Variants in PCDHGB2 observed in about 807,000 individuals in gnomAD.
PCDHGB2 encodes the protein protocadherin gamma-B2.
PCDHGB2 carries 55 observed loss-of-function variants against 59.3 expected under a neutral mutation model. The ratio of observed to expected loss-of-function variants is 0.93; its 90% CI spans 0.75 to 1.16. The LOEUF is 1.16. PCDHGB2 is among the 50% of genes most tolerant of loss of function. PCDHGB2 has a pLI of 0.00. For missense variants in PCDHGB2, 1,228 were observed against 1,198.5 expected, an observed-to-expected ratio of 1.02 and a Z score of -0.36; for synonymous variants, 516 against 512.0, an observed-to-expected ratio of 1.01 and a Z score of -0.11.
In PCDHGB2 at chr5:141,489,432, G is replaced by A. The variant is rs2099687138; in HGVS notation, c.2422-5375G>A. ...TGACAGATCTGTTGAGCCGGCGGCTGCAATTGGGCTCTGAGGAGAATGGGC... is the reference window on the plus strand; with the variant it reads ...TGACAGATCTGTTGAGCCGGCGGCTACAATTGGGCTCTGAGGAGAATGGGC... On this transcript the variant is annotated intron_variant, in intron 1 of 3. Transcript: ENST00000522605. The surrounding 1 kb of genome is among the most constrained non-coding windows in gnomAD (Gnocchi z 4.5). 3.1e-6 allele frequency: 5 copies of A among 1,614,166 alleles called. No individual in the cohort carries two copies. Among genetic ancestry groups the A allele is most frequent in the Non-Finnish European group, 4.2e-6 (5 of 1,180,036 alleles).
chr5:141,365,055 T>G (rs181194736), intron 1 of PCDHGB2: 1 of 1,613,822 alleles, frequency 6.2e-7, no homozygotes, highest in Non-Finnish European at 8.5e-7. Context: ...GCGCCCCTGT[T>G]CACCCCATCC....
chr5:141,422,028 A>C, intron 1 of PCDHGB2: 1 of 1,611,196 alleles, frequency 6.2e-7, no homozygotes, highest in Non-Finnish European at 8.5e-7. Flanking sequence ...TGGTTAATGC[A>C]ACGGATCCAG....
intron 1 of PCDHGB2, among the ~76,000 whole-genome samples, chr5:141,425,915 C>G (rs537499239): frequency 1.3e-5 from 2 of 152,336 alleles, no homozygotes; most frequent in East Asian, 3.9e-4. Context: ...AAAACAGTCA[C>G]TACGAAAACT....
chr5:141,430,938 C>A, intron 1 of PCDHGB2: 1 of 1,607,082 alleles, frequency 6.2e-7, no homozygotes, highest in Non-Finnish European at 8.5e-7. Context: ...CGGGAGCTCG[C>A]GGAGCGCGGA....
At position 141,431,783 on chromosome 5, in the gene PCDHGB2, G is replaced by T; in HGVS notation, c.2422-63024G>T. 2 of 1,614,174 alleles carry T rather than the reference G, an allele frequency of 1.2e-6. No homozygotes were observed. Among genetic ancestry groups the T allele is most frequent in the East Asian group, 2.2e-5 (1 of 44,878 alleles). On this transcript the variant is annotated intron_variant, in intron 1 of 3. Transcript: ENST00000522605. The surrounding 1 kb of genome is among the most constrained non-coding windows in gnomAD (Gnocchi z 4.8). Reference sequence around the variant, plus strand: ...CCTGATCACTGTTCTGGACGTGAACGACAATGCCCCAGAAGTGGTCCTCAC... The same window carrying T: ...CCTGATCACTGTTCTGGACGTGAACTACAATGCCCCAGAAGTGGTCCTCAC...
chr5:141,399,241 T>C, intron 1 of PCDHGB2: 3 of 1,613,950 alleles, frequency 1.9e-6, no homozygotes, highest in South Asian at 1.1e-5. Flanking sequence ...TGACCAAGAT[T>C]CTGGGGAAAA....
chr5:141,421,464 T>A lies in PCDHGB2; in HGVS notation c.2421+58908T>A, dbSNP rs773727821. ...GGAAGACACAGCTTTTCGCTGTGAA[T>A]CCGCGAAGCGGCAGCTTGATCACGG... On this transcript the variant is annotated intron_variant, in intron 1 of 3. Transcript: ENST00000522605. 17 of 1,613,972 alleles carry A rather than the reference T, an allele frequency of 1.1e-5. No individual in the cohort carries two copies. In the East Asian group the frequency reaches 3.6e-4, roughly 34 times the overall value.
Position 141,489,898 on chromosome 5 carries a change from C to T in PCDHGB2, c.2422-4909C>T. On this transcript the variant is annotated intron_variant, in intron 1 of 3. Transcript: ENST00000522605. The surrounding 1 kb of genome is among the most constrained non-coding windows in gnomAD (Gnocchi z 4.5). ...GCTTACTGCTGTGGATGGGGGGACC[C>T]CAGCCCGCTCAGGGACCACCCTTAT... 6.2e-7 allele frequency: 1 copy of T among 1,614,216 alleles called. No homozygotes were observed. Among genetic ancestry groups the T allele is most frequent in the Non-Finnish European group, 8.5e-7 (1 of 1,180,036 alleles).
At chr5:141,475,819 G>A (rs1232669115) in intron 1 of PCDHGB2, 4 of 350,114 alleles carry the variant, frequency 1.1e-5, no homozygotes, top group Non-Finnish European at 1.6e-5. Context: ...GAAGTTCCTG[G>A]CGCTAGCGCG....
chr5:141,388,628 G>T (rs752578230), intron 1 of PCDHGB2: 1 of 1,613,898 alleles, frequency 6.2e-7, no homozygotes, highest in East Asian at 2.2e-5. Flanking sequence ...ACGTATACAG[G>T]GTGAGCCTTT....
At chr5:141,417,179 A>C (rs1015183950) in intron 1 of PCDHGB2, 1 of 152,194 alleles carries the variant, frequency 6.6e-6, no homozygotes, top group African/African-American at 2.4e-5. Context: ...GAAATAAGGA[A>C]TTATTACTTT....
intron 1 of PCDHGB2, chr5:141,398,744 G>C (rs1561665852): frequency 1.2e-6 from 2 of 1,613,854 alleles, no homozygotes; most frequent in East Asian, 4.5e-5. Flanking sequence ...GAACAACAGA[G>C]TTACCATCGT....
chr5:141,477,438 C>T lies in PCDHGB2; in HGVS notation c.2422-17369C>T, dbSNP rs1386997844. On this transcript the variant is annotated intron_variant, in intron 1 of 3. Transcript: ENST00000522605. This position sits in a 1 kb window ranked among gnomAD's most constrained non-coding sequence, Gnocchi z 4.9. ...GGAACCCCTTCCCTCTCAGCCCTTA[C>T]AATAGTGCGTGTTCAAGTGTCCGAC... 6.2e-7 allele frequency: 1 copy of T among 1,614,174 alleles called. No homozygotes were observed. The highest frequency in any genetic ancestry group is 8.5e-7 in the Non-Finnish European group (1 of 1,180,030).
intron 1 of PCDHGB2, among the ~76,000 whole-genome samples, chr5:141,443,609 T>C (rs2098396115): frequency 1.3e-5 from 2 of 152,260 alleles, no homozygotes; most frequent in African/African-American, 4.8e-5. Flanking sequence ...GAAATGTTCT[T>C]ATAATCAGGT....
At chr5:141,484,404 G>C (rs1333849091) in intron 1 of PCDHGB2, among the ~76,000 whole-genome samples, 3 of 152,174 alleles carry the variant, frequency 2.0e-5, no homozygotes, top group Non-Finnish European at 4.4e-5. Flanking sequence ...GGTTTCCGCT[G>C]TGTCTCCTGT....
At chr5:141,394,455 C>T in intron 1 of PCDHGB2, 1 of 1,614,268 alleles carries the variant, frequency 6.2e-7, no homozygotes, top group Non-Finnish European at 8.5e-7. Flanking sequence ...CAACATGTCA[C>T]TGAGCCTGTT....
At chr5:141,419,686 G>A (rs551990092) in intron 1 of PCDHGB2, 2 of 1,612,760 alleles carry the variant, frequency 1.2e-6, no homozygotes, top group Non-Finnish European at 1.7e-6. Flanking sequence ...ACCACGTGGT[G>A]CAGGCCAGTG....
rs768648952 is a variant in PCDHGB2 at position 141,477,230 on chromosome 5, G to C, written c.2422-17577G>C. 6.2e-7 allele frequency: 1 copy of C among 1,614,046 alleles called. No homozygotes were observed. Among genetic ancestry groups the C allele is most frequent in the East Asian group, 2.2e-5 (1 of 44,890 alleles). ...GGATGCCCCTCTGGGGACTGTCATC[G>C]CTTTGCTCAGTGTGACTGACCTGGA... On this transcript the variant is annotated intron_variant, in intron 1 of 3. Transcript: ENST00000522605. The surrounding 1 kb of genome is among the most constrained non-coding windows in gnomAD (Gnocchi z 4.9).
chr5:141,383,738 C>A (rs1779431322), intron 1 of PCDHGB2: 3 of 1,614,006 alleles, frequency 1.9e-6, no homozygotes, highest in Admixed American at 3.3e-5. Context: ...GTGACATATT[C>A]TTTTCGGAAA....
Sources: gnomAD v4.1 joint callset for allele counts (sites outside exome capture counted in the v4.1 genomes callset) on GRCh38, gnomAD v4.1.1 for gene constraint, Gnocchi (gnomAD v3.1) non-coding constraint, MANE v1.5 for transcripts, NCBI Gene and HGNC (gene_info 2026-07-23, HGNC 2026-07-21) for gene names.